GRM8: variants seen among roughly 807,000 people sequenced by gnomAD.
The protein encoded by GRM8 is glutamate metabotropic receptor 8, also known as metabotropic glutamate receptor 8.
In GRM8, 47 loss-of-function variants were observed where a neutral mutation model predicts 87.2. The ratio of observed to expected loss-of-function variants is 0.54; its 90% CI spans 0.43 to 0.69. The LOEUF is 0.69. GRM8 is among the 30% of genes least tolerant of loss of function. The pLI is 0.00. For missense variants in GRM8, 1,019 were observed against 1,139.2 expected (o/e 0.89, Z 1.52); for synonymous variants, 396 against 404.5 (o/e 0.98, Z 0.25).
chr7:126,563,992 G>C (rs981483571), intron 8 of GRM8, among the ~76,000 whole-genome samples: 2 of 152,194 alleles, frequency 1.3e-5, no homozygotes, highest in Admixed American at 6.5e-5. Flanking sequence ...TCAGGTCCAA[G>C]GCAAAAAGTT....
chr7:126,821,509 C>CA (rs1794299279), intron 6 of GRM8, among the ~76,000 whole-genome samples: 2 of 152,186 alleles, frequency 1.3e-5, no homozygotes, highest in African/African-American at 4.8e-5. Context: ...AAGCACTTAG[C>CA]ATGGTCCCTG....
intron 8 of GRM8, among the ~76,000 whole-genome samples, chr7:126,583,331 G>A (rs186581727): frequency 1.9e-3 from 290 of 151,788 alleles, no homozygotes; most frequent in African/African-American, 6.6e-3. Context: ...CTCCCAGCCC[G>A]GGTGACAGGA....
chr7:127,125,649 A>G (rs1302733816), intron 2 of GRM8, among the ~76,000 whole-genome samples: 1 of 151,958 alleles, frequency 6.6e-6, no homozygotes, highest in East Asian at 1.9e-4. Context: ...AAACCTTAAC[A>G]CAGCAAAAGA....
chr7:126,533,219 G>T lies in GRM8; in HGVS notation c.2163C>A (p.Ile721=). 1 of 1,613,330 alleles carries T rather than the reference G, an allele frequency of 6.2e-7. No homozygotes were observed. Among genetic ancestry groups the T allele is most frequent in the South Asian group, 1.1e-5 (1 of 91,006 alleles). Residue 721 remains isoleucine (I), a synonymous_variant, in exon 9 of 11, where the codon ATC becomes ATA. Transcript: ENST00000339582. ...TCCGCTGCTCTCCATAGTCAATGAT[G>T]ATGTGGGGGGGATCCACAACAAACC... ...FVWFVVDPPH[I]IIDYGEQRTL...
chr7:126,932,194 G>T (rs1342103961), intron 3 of GRM8, among the ~76,000 whole-genome samples: 2 of 152,026 alleles, frequency 1.3e-5, no homozygotes, highest in African/African-American at 4.8e-5. Context: ...GTTTGCCTTT[G>T]CTATGAGTCT....
At chr7:127,037,924 A>G (rs948556344) in intron 3 of GRM8, among the ~76,000 whole-genome samples, 1 of 151,954 alleles carries the variant, frequency 6.6e-6, no homozygotes, top group Non-Finnish European at 1.5e-5. Context: ...TTTAATATGT[A>G]CCTCAGAATT....
chr7:126,784,350 C>T lies in GRM8; in HGVS notation c.1157-14285G>A, dbSNP rs550550577. ...AAAAATATTTTCATCTTTAAACTTTCGTTGCATGCTTTGAATATCAAAACA... is the reference window on the plus strand; with the variant it reads ...AAAAATATTTTCATCTTTAAACTTTTGTTGCATGCTTTGAATATCAAAACA... On this transcript the variant is annotated intron_variant, in intron 6 of 10. Coordinates refer to ENST00000339582, the MANE Select transcript of GRM8 (RefSeq NM_000845.3). Among the ~76,000 whole-genome samples the T allele has an allele frequency of 2.6e-5, 4 of 152,264 alleles. No homozygotes were observed. The South Asian group carries it at 8.3e-4, about 32-fold the overall frequency.
chr7:126,635,215 C>T (rs1180260619), intron 7 of GRM8, among the ~76,000 whole-genome samples: 1 of 147,280 alleles, frequency 6.8e-6, no homozygotes, highest in African/African-American at 2.5e-5. Context: ...TTTATCTTTC[C>T]TTGCCCATTG....
At chr7:126,875,218 A>G (rs1415730817) in intron 6 of GRM8, among the ~76,000 whole-genome samples, 1 of 152,074 alleles carries the variant, frequency 6.6e-6, no homozygotes, top group East Asian at 1.9e-4. Flanking sequence ...ATGTGGAATA[A>G]GTCAAGGAAG....
intron 7 of GRM8, among the ~76,000 whole-genome samples, chr7:126,733,065 A>G (rs946691134): frequency 4.6e-5 from 7 of 152,032 alleles, no homozygotes; most frequent in African/African-American, 1.7e-4. Context: ...CATGTGGCCC[A>G]TGACAATTAT....
At chr7:127,215,323 G>A (rs1796457069) in intron 2 of GRM8, 1 of 152,184 alleles carries the variant, frequency 6.6e-6, no homozygotes. Flanking sequence ...CCCCAGCCAA[G>A]GCCAGAACAA....
intron 2 of GRM8, among the ~76,000 whole-genome samples, chr7:127,212,566 CG>C (rs1272134264): frequency 1.3e-5 from 2 of 151,890 alleles, no homozygotes; most frequent in African/African-American, 2.4e-5. Flanking sequence ...TACAGGCGCC[CG>C]CCACTACGTC....
intron 3 of GRM8, among the ~76,000 whole-genome samples, chr7:126,986,474 A>G (rs1812080802): frequency 6.6e-6 from 1 of 152,202 alleles, no homozygotes. Context: ...AAGTTACTAA[A>G]GCCCAAATTA....
chr7:126,638,449 C>A (rs1407156549), intron 7 of GRM8, among the ~76,000 whole-genome samples: 1 of 152,156 alleles, frequency 6.6e-6, no homozygotes, highest in Non-Finnish European at 1.5e-5. Flanking sequence ...CTAATTTGTT[C>A]ATATATTAGC....
chr7:127,018,503 G>T (rs1179376378), intron 3 of GRM8, among the ~76,000 whole-genome samples: 1 of 150,348 alleles, frequency 6.7e-6, no homozygotes, highest in East Asian at 2.0e-4. Flanking sequence ...GCTAGGGTTT[G>T]GGTCAGGGTG....
At chr7:126,851,727 A>G (rs1052819012) in intron 6 of GRM8, among the ~76,000 whole-genome samples, 10 of 152,022 alleles carry the variant, frequency 6.6e-5, no homozygotes, top group Non-Finnish European at 1.0e-4. Flanking sequence ...TTTTACTCCA[A>G]TGTCATCTCA....
At chr7:127,101,542 C>T (rs1009415560) in intron 3 of GRM8, among the ~76,000 whole-genome samples, 6 of 152,186 alleles carry the variant, frequency 3.9e-5, no homozygotes, top group Non-Finnish European at 7.3e-5. Context: ...CCATTCCCAA[C>T]TCTCTCTTGC....
intron 6 of GRM8, among the ~76,000 whole-genome samples, chr7:126,855,938 C>A (rs1228275654): frequency 6.6e-6 from 1 of 152,128 alleles, no homozygotes; most frequent in Non-Finnish European, 1.5e-5. Flanking sequence ...ACACTCCTGG[C>A]TTCCTGATGC....
chr7:126,481,006 A>C (rs939393529), intron 9 of GRM8, among the ~76,000 whole-genome samples: 2 of 152,142 alleles, frequency 1.3e-5, no homozygotes, highest in African/African-American at 4.8e-5. Context: ...GGCATGCCAA[A>C]GGTAAACAGG....
Sources: gnomAD v4.1 joint callset for allele counts (sites outside exome capture counted in the v4.1 genomes callset) on GRCh38, gnomAD v4.1.1 for gene constraint, MANE v1.5 for transcripts, NCBI Gene and HGNC (gene_info 2026-07-23, HGNC 2026-07-21) for gene names.